Variants in SELENOO observed in about 807,000 individuals in gnomAD.
SELENOO encodes protein adenylyltransferase SelO, mitochondrial.
In SELENOO, 74 loss-of-function variants were observed where a neutral mutation model predicts 58.7. The observed-to-expected ratio is 1.26, with a 90% CI of 1.04 to 1.53. The LOEUF is 1.53. Ranked by LOEUF, SELENOO falls within the 40% of genes most tolerant of loss-of-function variation. The pLI, the probability that SELENOO is intolerant of heterozygous loss-of-function variation, is 0.00. For synonymous variants in SELENOO, 543 were observed against 453.2 expected (o/e 1.20, Z -2.52); for missense variants, 1,149 against 970.0 (o/e 1.18, Z -2.45).
chr22:50,202,150 G>C (rs1006689953), intron 1 of SELENOO, among the ~76,000 whole-genome samples: 3 of 152,236 alleles, frequency 2.0e-5, no homozygotes, highest in African/African-American at 4.8e-5. Context: ...GCTTGGGTCT[G>C]TTCTGCTCTT....
At position 50,201,029 on chromosome 22, in the gene SELENOO, G is replaced by C. The variant is rs1472709015; in HGVS notation, c.-8G>C. The C allele has an allele frequency of 4.0e-6, 5 of 1,263,634 alleles. No homozygotes were observed. Among genetic ancestry groups the C allele is most frequent in the Non-Finnish European group, 5.0e-6 (5 of 1,003,782 alleles). The allele number at this position is 1,263,634 out of a possible 1,614,324, so 78.3% of individuals were successfully genotyped here. A position where few individuals can be genotyped will look rare whatever the true frequency, so the allele number is the denominator to read the frequency against. ...GCAGGCTGGCTTCCGGCGGGAGCGG[G>C]GCCGCGGATGGCCGTATACAGGGCA... is the stretch of plus-strand genomic sequence containing the variant. On this transcript the variant is annotated 5_prime_UTR_variant, in exon 1 of 9. Coordinates refer to ENST00000380903, the MANE Select transcript of SELENOO (RefSeq NM_031454.2).
intron 5 of SELENOO, among the ~76,000 whole-genome samples, chr22:50,213,917 G>A (rs532167355): frequency 6.6e-6 from 1 of 152,222 alleles, no homozygotes; most frequent in South Asian, 2.1e-4. Flanking sequence ...CAAAGTGCTG[G>A]GATTACAGGC....
At position 50,216,325 on chromosome 22, in the gene SELENOO, C is replaced by T. The variant is rs141051711; in HGVS notation, c.1503-366C>T. Among the ~76,000 whole-genome samples the T allele has an allele frequency of 3.9e-3, 594 of 152,380 alleles. 6 individuals carry two copies. The highest frequency in any genetic ancestry group is 0.013 in the African/African-American group (552 of 41,586). Reference sequence around the variant, plus strand: ...AGCAGGCCCTGCTGAGCATAAACCCCCTCCACTGGAGAAGGCGTGGCCCCT... The same window carrying T: ...AGCAGGCCCTGCTGAGCATAAACCCTCTCCACTGGAGAAGGCGTGGCCCCT... On this transcript the variant is annotated intron_variant, in intron 6 of 8. Coordinates refer to ENST00000380903, the MANE Select transcript of SELENOO (RefSeq NM_031454.2).
Position 50,210,268 on chromosome 22 carries a change from C to G in SELENOO, c.1027C>G (p.Leu343Val). 8 of 1,613,430 alleles carry G rather than the reference C, an allele frequency of 5.0e-6. No individual in the cohort carries two copies. The highest frequency in any genetic ancestry group is 6.8e-6 in the Non-Finnish European group (8 of 1,179,966). ...GVLNTDNMSILGLTIDYGPFG... is the reference protein window; with the variant it reads ...GVLNTDNMSIVGLTIDYGPFG... ...GCTCAACACCGACAACATGAGCATC[C>G]TGGGGCTCACCATCGACTACGGGCC... The change falls in exon 4 of 9, where the codon CTG becomes GTG. Residue 343 changes from leucine (L) to valine (V), a missense_variant. Coordinates refer to ENST00000380903, the MANE Select transcript of SELENOO (RefSeq NM_031454.2).
chr22:50,207,131 CTTTTT>C (rs549330297), intron 2 of SELENOO, among the ~76,000 whole-genome samples: 2 of 151,214 alleles, frequency 1.3e-5, no homozygotes, highest in Admixed American at 6.6e-5. Context: ...GTTCTCTTTT[CTTTTT>C]TTTTGAGACA....
intron 4 of SELENOO, 138 bp downstream of exon 4, chr22:50,210,449 G>T: frequency 7.4e-7 from 1 of 1,355,132 alleles, no homozygotes; most frequent in African/African-American, 1.5e-5. Context: ...GTAGGAAGTA[G>T]AGAGTCCAGG....
chr22:50,208,855 C>T (rs1160047152), intron 3 of SELENOO, 139 bp downstream of exon 3: 8 of 790,350 alleles, frequency 1.0e-5, no homozygotes, highest in Admixed American at 2.7e-5. Context: ...CGCTCCTGTC[C>T]GCAAACCCCA....
chr22:50,208,446 A>G (rs1230402783), intron 2 of SELENOO, 90 bp from the exon 3 acceptor site: 4 of 1,239,538 alleles, frequency 3.2e-6, no homozygotes, highest in Non-Finnish European at 4.4e-6. Flanking sequence ...AAAAAAAAAA[A>G]TAGCCACAAC....
intron 4 of SELENOO, 123 bp downstream of exon 4, chr22:50,210,434 C>G (rs2064361123): frequency 7.2e-7 from 1 of 1,388,898 alleles, no homozygotes; most frequent in South Asian, 1.3e-5. Flanking sequence ...GGGCTGGGGG[C>G]TGATGTAGGA....
chr22:50,216,026 C>T (rs1292748287), intron 6 of SELENOO, among the ~76,000 whole-genome samples, 159 bp downstream of exon 6: 1 of 152,186 alleles, frequency 6.6e-6, no homozygotes, highest in Non-Finnish European at 1.5e-5. Context: ...GGCATCTCTG[C>T]GATGCTGGGG....
At position 50,216,887 on chromosome 22, in the gene SELENOO, C is replaced by T. The variant is rs746192398; in HGVS notation, c.1688+11C>T. Reference sequence around the variant, plus strand: ...GCTACAGGCGTACAGGTGAGCCCTGCGTCCATGGTCACCGGGGGACGGCGG... The same window carrying T: ...GCTACAGGCGTACAGGTGAGCCCTGTGTCCATGGTCACCGGGGGACGGCGG... On this transcript the variant is annotated intron_variant, in intron 7 of 8. Coordinates refer to ENST00000380903, the MANE Select transcript of SELENOO (RefSeq NM_031454.2). The T allele has an allele frequency of 1.2e-5, 20 of 1,604,870 alleles. No homozygotes were observed. The highest frequency in any genetic ancestry group is 1.7e-4 in the Middle Eastern group (1 of 5,956).
intron 5 of SELENOO, among the ~76,000 whole-genome samples, chr22:50,214,269 G>C (rs938687381): frequency 6.6e-6 from 1 of 152,262 alleles, no homozygotes; most frequent in Admixed American, 6.5e-5. Flanking sequence ...AGCCTACCAA[G>C]TAGCTGGGAT....
In SELENOO at chr22:50,201,013, C is replaced by T. The variant is rs1602484664; in HGVS notation, c.-24C>T. On this transcript the variant is annotated 5_prime_UTR_variant, in exon 1 of 9. Transcript: ENST00000380903. ...GGGGCTTCCGGGCGGGGCAGGCTGG[C>T]TTCCGGCGGGAGCGGGGCCGCGGAT... is the stretch of plus-strand genomic sequence containing the variant. 3.3e-6 allele frequency: 4 copies of T among 1,221,482 alleles called. No homozygotes were observed. The highest frequency in any genetic ancestry group is 6.8e-5 in the East Asian group (2 of 29,202). The allele number at this position is 1,221,482 out of a possible 1,614,324, so 75.7% of individuals were successfully genotyped here.
chr22:50,206,445 G>A lies in SELENOO; in HGVS notation c.683G>A (p.Arg228His), dbSNP rs372224187. 22 of 1,614,064 alleles carry A rather than the reference G, an allele frequency of 1.4e-5. No individual in the cohort carries two copies. Among genetic ancestry groups the A allele is most frequent in the African/African-American group, 2.7e-5 (2 of 74,912 alleles). Residue 228 changes from arginine (R) to histidine (H), a missense_variant, in exon 2 of 9, where the codon CGC becomes CAC. By Grantham distance (29) the Arg-to-His change is conservative (BLOSUM62 0). Transcript: ENST00000380903. ...GTCACGTCCGAGTCCACGGTGGTGC[G>A]CGACGTGTTCTATGATGGTAATCCC... is the stretch of plus-strand genomic sequence containing the variant. Reference protein sequence around the residue: ...ACVTSESTVVRDVFYDGNPKY... With the variant: ...ACVTSESTVVHDVFYDGNPKY...
chr22:50,214,412 G>A (rs1452147183), intron 5 of SELENOO, among the ~76,000 whole-genome samples: 1 of 152,250 alleles, frequency 6.6e-6, no homozygotes, highest in Admixed American at 6.5e-5. Context: ...CTGAGGTCAA[G>A]AGTTCGAGAC....
intron 6 of SELENOO, 76 bp from the exon 7 acceptor site, chr22:50,216,615 G>A: frequency 6.6e-6 from 9 of 1,353,628 alleles, no homozygotes; most frequent in Non-Finnish European, 9.1e-6. Flanking sequence ...GAGCGGGCTG[G>A]GGCAGGCGGA....
chr22:50,211,759 A>G (rs1023850757), intron 5 of SELENOO, among the ~76,000 whole-genome samples: 7 of 152,182 alleles, frequency 4.6e-5, no homozygotes, highest in Non-Finnish European at 8.8e-5. Context: ...GCTGGAGTGC[A>G]GTGGCACGAT....
At chr22:50,208,462 C>A in intron 2 of SELENOO, 74 bp from the exon 3 acceptor site, 1 of 1,362,832 alleles carries the variant, frequency 7.3e-7, no homozygotes, top group Non-Finnish European at 1.0e-6. Flanking sequence ...ACAACAACGT[C>A]TTTTCCTTTT....
rs781066966 is a variant in SELENOO at position 50,217,167 on chromosome 22, G to A, written c.1846-38G>A. ...TGTCCCTGTGGTCCCTGGGAGGGGG[G>A]TCGGCCCCAGACCCCTCTCACCCTC... is the stretch of plus-strand genomic sequence containing the variant. On this transcript the variant is annotated intron_variant, in intron 8 of 8. Coordinates refer to ENST00000380903, the MANE Select transcript of SELENOO (RefSeq NM_031454.2). 13 of 1,610,844 alleles carry A rather than the reference G, an allele frequency of 8.1e-6. No individual in the cohort carries two copies. In the East Asian group the frequency reaches 1.8e-4, roughly 22 times the overall value.
Sources: allele counts gnomAD v4.1 joint callset (sites outside exome capture counted in the v4.1 genomes callset), GRCh38; gene constraint gnomAD v4.1.1; transcripts MANE v1.5; gene names NCBI Gene and HGNC (gene_info 2026-07-23, HGNC 2026-07-21).